Variants in KLHL13 observed in about 807,000 individuals in gnomAD.
The protein encoded by KLHL13 is kelch like family member 13, also known as kelch-like protein 13.
In KLHL13, 10 loss-of-function variants were observed where a neutral mutation model predicts 37.1. The observed-to-expected ratio is 0.27, with a 90% confidence interval of 0.17 to 0.46. The LOEUF (loss-of-function observed/expected upper bound fraction) is 0.46, where lower values mean the gene tolerates loss of function less well. KLHL13 is among the 20% of genes least tolerant of loss of function. The probability of loss-of-function intolerance (pLI) is 1.00; values close to 1 mark genes in which losing one functional copy is unlikely to be tolerated. For missense variants in KLHL13, 360 were observed against 509.3 expected, an observed-to-expected ratio of 0.71 and a Z score of 2.82; for synonymous variants, 163 against 181.2, an observed-to-expected ratio of 0.90 and a Z score of 0.81.
chrX:118,108,120 A>G (rs2055365671), intron 1 of KLHL13, among the ~76,000 whole-genome samples: 2 of 112,132 alleles, frequency 1.8e-5, no homozygotes, highest in Non-Finnish European at 3.8e-5. Flanking sequence ...ATCTTTAGAA[A>G]TGTATCACCA....
intron 1 of KLHL13, among the ~76,000 whole-genome samples, chrX:118,051,337 A>G (rs1275445576): frequency 9.1e-6 from 1 of 110,185 alleles, no homozygotes; most frequent in Non-Finnish European, 1.9e-5. Context: ...TCAGGAGATC[A>G]AGACCATCCT....
chrX:118,007,742 A>G (rs1474824959), intron 1 of KLHL13, among the ~76,000 whole-genome samples: 1 of 111,276 alleles, frequency 9.0e-6, no homozygotes, highest in Non-Finnish European at 1.9e-5. Flanking sequence ...GGCCTCAGGA[A>G]GGGAGGAGGA....
intron 1 of KLHL13, among the ~76,000 whole-genome samples, chrX:118,026,100 A>T (rs1262105453): frequency 1.8e-5 from 2 of 111,423 alleles, no homozygotes; most frequent in Non-Finnish European, 3.8e-5. Context: ...TTGGATTATT[A>T]TGGAAAATTC....
At chrX:117,949,544 G>A (rs183301799) in intron 1 of KLHL13, among the ~76,000 whole-genome samples, 50 of 111,446 alleles carry the variant, frequency 4.5e-4, no homozygotes, top group Non-Finnish European at 8.7e-4. Context: ...TATGAGGAAG[G>A]AAAAAGCATC....
intron 1 of KLHL13, among the ~76,000 whole-genome samples, chrX:117,969,278 T>C (rs1447719139): frequency 8.9e-6 from 1 of 111,800 alleles, no homozygotes. Flanking sequence ...CTAGTGCTAA[T>C]TTTGTTCTAT....
Position 117,920,487 on chromosome X carries a change from C to T in KLHL13, c.241-117G>A. Reference sequence around the variant, plus strand: ...CAACATATGTGGAACATAAAGCCAACAGAATATTCGGGAGAAGAAAAAATA... The same window carrying T: ...CAACATATGTGGAACATAAAGCCAATAGAATATTCGGGAGAAGAAAAAATA... On this transcript the variant is annotated intron_variant, in intron 2 of 6. Transcript: ENST00000262820. 4.1e-6 allele frequency: 3 copies of T among 737,974 alleles called. No homozygotes were observed. In the South Asian group the frequency reaches 8.1e-5, roughly 20 times the overall value. 60.8% of individuals were successfully genotyped at this position (737,974 alleles called of 1,213,427 possible).
At chrX:117,919,464 C>T (rs867243214) in intron 4 of KLHL13, 57 bp downstream of exon 5, 1 of 976,600 alleles carries the variant, frequency 1.0e-6, no homozygotes, top group Middle Eastern at 2.6e-4. Flanking sequence ...TTCATGAGTC[C>T]TAAACAGGCT....
At chrX:117,978,022 T>C (rs761963453), upstream of KLHL13, among the ~76,000 whole-genome samples, 1 of 111,909 alleles carries the variant, frequency 8.9e-6, no homozygotes. Flanking sequence ...TACTCAGATA[T>C]GTAGTCTTGC....
chrX:118,077,919 CTAAAG>C (rs1425354526), intron 1 of KLHL13, among the ~76,000 whole-genome samples: 2 of 111,888 alleles, frequency 1.8e-5, no homozygotes, highest in African/African-American at 6.5e-5. Context: ...CTTACAAACT[CTAAAG>C]TAATGTACAG....
chrX:117,945,747 A>G, intron 1 of KLHL13, 172 bp from the exon 3 acceptor site: 1 of 400,320 alleles, frequency 2.5e-6, no homozygotes, highest in East Asian at 4.0e-5. Flanking sequence ...GAAGAAATGT[A>G]TATTTGTAAA....
chrX:118,080,303 C>T (rs1163480045), intron 1 of KLHL13, among the ~76,000 whole-genome samples: 1 of 111,566 alleles, frequency 9.0e-6, no homozygotes, highest in Non-Finnish European at 1.9e-5. Flanking sequence ...AGCTTCTGCA[C>T]AGCAAAAGAA....
intron 1 of KLHL13, among the ~76,000 whole-genome samples, chrX:118,106,158 A>G (rs1282148537): frequency 1.9e-5 from 2 of 107,650 alleles, no homozygotes; most frequent in Admixed American, 1.0e-4. Context: ...TGGCCTCCCA[A>G]AGTGCTGGGA....
At chrX:118,032,565 G>C (rs1420527359) in intron 1 of KLHL13, among the ~76,000 whole-genome samples, 2 of 111,902 alleles carry the variant, frequency 1.8e-5, no homozygotes, top group African/African-American at 6.5e-5. Flanking sequence ...AAACAGAAAG[G>C]ACATCCACAC....
intron 2 of KLHL13, among the ~76,000 whole-genome samples, chrX:117,931,432 C>T (rs1405577055): frequency 9.0e-6 from 1 of 111,337 alleles, no homozygotes; most frequent in Non-Finnish European, 1.9e-5. Flanking sequence ...GCCTCCAGGT[C>T]TTAAGGATGA....
intron 1 of KLHL13, among the ~76,000 whole-genome samples, chrX:117,967,507 T>C (rs1485664242): frequency 9.0e-6 from 1 of 111,618 alleles, no homozygotes; most frequent in Non-Finnish European, 1.9e-5. Context: ...GTACTTCCCA[T>C]GATGGTATGG....
At chrX:117,966,293 G>A (rs771596130) in intron 1 of KLHL13, among the ~76,000 whole-genome samples, 6 of 111,151 alleles carry the variant, frequency 5.4e-5, no homozygotes, top group African/African-American at 2.0e-4. Flanking sequence ...AAATCATGAG[G>A]GAACTCCCAT....
rs182728473 is a variant in KLHL13, at chrX:117,953,954, A to T, written c.99-8379T>A. Among the ~76,000 whole-genome samples the T allele has an allele frequency of 1.1e-4, 12 of 111,868 alleles. No individual in the cohort carries two copies. The East Asian group carries it at 3.4e-3, about 31-fold the overall frequency. On this transcript the variant is annotated intron_variant, in intron 1 of 6. Transcript: ENST00000262820. Reference sequence around the variant, plus strand: ...GGGAGGTAGTAAATCCTAGAAAATAACTCAGATGAAATTTGGGGAGAATTT... The same window carrying T: ...GGGAGGTAGTAAATCCTAGAAAATATCTCAGATGAAATTTGGGGAGAATTT...
chrX:117,994,890 TATAAAAA>T lies in KLHL13; in HGVS notation c.-55-49322_-55-49316del, dbSNP rs376843018. Among the ~76,000 whole-genome samples the T allele has an allele frequency of 5.8e-3, 639 of 110,983 alleles. 5 individuals carry two copies. Among genetic ancestry groups the T allele is most frequent in the African/African-American group, 0.018 (550 of 30,495 alleles). On this transcript the variant is annotated intron_variant, in intron 1 of 6. Transcript: ENST00000371882. ...GGACAACATAGTGAGACTTCATCTG[TATAAAAA>T]ATAAAAAATAAAAATAGCAAGGAGT...
intron 2 of KLHL13, among the ~76,000 whole-genome samples, chrX:117,925,348 C>A (rs185524486): frequency 9.0e-6 from 1 of 111,111 alleles, no homozygotes; most frequent in African/African-American, 3.3e-5. Context: ...AGAGAAAAAA[C>A]GAAACACATC....
Sources: allele counts gnomAD v4.1 joint callset (sites outside exome capture counted in the v4.1 genomes callset), GRCh38; gene constraint gnomAD v4.1.1; transcripts MANE v1.5; gene names NCBI Gene and HGNC (gene_info 2026-07-23, HGNC 2026-07-21).